Variants in STS observed in about 807,000 individuals in gnomAD.
STS encodes the protein steryl-sulfatase.
In STS, 7 loss-of-function variants were observed where a neutral mutation model predicts 26.8. The observed-to-expected ratio is 0.26, with a 90% CI of 0.15 to 0.49. The LOEUF (loss-of-function observed/expected upper bound fraction) is 0.49, where lower values mean the gene tolerates loss of function less well. Ranked by LOEUF, STS falls within the 20% of genes least tolerant of loss-of-function variation. STS has a pLI of 0.98. For synonymous variants in STS, 199 were observed against 189.4 expected, an observed-to-expected ratio of 1.05 and a Z score of -0.42; for missense variants, 434 against 465.6, an observed-to-expected ratio of 0.93 and a Z score of 0.63.
intron 1 of STS, among the ~76,000 whole-genome samples, chrX:7,185,328 C>T (rs1369000069): frequency 8.9e-6 from 1 of 112,788 alleles, no homozygotes; most frequent in South Asian, 3.6e-4. Context: ...TAAATATTTT[C>T]AGCCTTGTGG....
intron 3 of STS, 24 bp downstream of exon 3, chrX:7,253,360 A>G (rs752359199): frequency 8.3e-7 from 1 of 1,210,659 alleles, no homozygotes; most frequent in Non-Finnish European, 1.1e-6. Context: ...CTCCTCAGTA[A>G]ACACATGGCT....
intron 8 of STS, among the ~76,000 whole-genome samples, chrX:7,312,723 G>A (rs189954614): frequency 2.7e-5 from 3 of 111,357 alleles, no homozygotes; most frequent in East Asian, 5.7e-4. Context: ...CTCACCTCCC[G>A]CCATGATTTT....
At chrX:7,185,793 A>G (rs2039681734) in intron 1 of STS, among the ~76,000 whole-genome samples, 1 of 112,619 alleles carries the variant, frequency 8.9e-6, no homozygotes, top group Non-Finnish European at 1.9e-5. Flanking sequence ...AATGTTTCTC[A>G]GGAAATTCCT....
rs768528679 is a variant in STS at position 7,352,753 on chromosome X, A to C, written c.*2492A>C. 4.5e-5 allele frequency: 5 copies of C among 111,091 alleles called. No individual in the cohort carries two copies. Among genetic ancestry groups the C allele is most frequent in the Non-Finnish European group, 7.5e-5 (4 of 53,137 alleles). 9.2% of individuals were successfully genotyped at this position (111,091 alleles called of 1,213,427 possible). A position where few individuals can be genotyped will look rare whatever the true frequency, so the allele number is the denominator to read the frequency against. ...AAAAAATTCTTGTATTTCTAGCATT[A>C]CTAGATATTAAAAGTTAAGCAAATA... is the stretch of plus-strand genomic sequence containing the variant. On this transcript the variant is annotated 3_prime_UTR_variant, in exon 11 of 11. Transcript: ENST00000674429.
At chrX:7,326,183 T>G (rs1159655369) in intron 9 of STS, among the ~76,000 whole-genome samples, 1 of 110,616 alleles carries the variant, frequency 9.0e-6, no homozygotes, top group East Asian at 2.9e-4. Context: ...GCCCTCGGTT[T>G]GGAGTGTCAC....
At chrX:7,212,128 G>A (rs1255289217) in intron 2 of STS, among the ~76,000 whole-genome samples, 17 of 111,775 alleles carry the variant, frequency 1.5e-4, no homozygotes, top group African/African-American at 5.5e-4. Flanking sequence ...TATGGCTAAT[G>A]GAAGATGTGA....
intron 1 of STS, among the ~76,000 whole-genome samples, chrX:7,148,480 CA>C (rs1456955310): frequency 3.5e-5 from 4 of 112,704 alleles, no homozygotes; most frequent in Non-Finnish European, 7.5e-5. Context: ...GAGTTTGGAT[CA>C]GGGGTGTGAA....
chrX:7,215,019 TATA>T (rs1163459275), intron 2 of STS, among the ~76,000 whole-genome samples: 1 of 73,083 alleles, frequency 1.4e-5, no homozygotes, highest in Non-Finnish European at 2.7e-5. Context: ...CGTATATATA[TATA>T]TTATATATGT....
At chrX:7,247,911 C>A (rs1298370083) in intron 2 of STS, among the ~76,000 whole-genome samples, 1 of 111,884 alleles carries the variant, frequency 8.9e-6, no homozygotes, top group Non-Finnish European at 1.9e-5. Flanking sequence ...AACCCATTAT[C>A]CTGGCTAATT....
rs186143389 is a variant in STS at position 7,225,158 on chromosome X, T to C, written c.-4-28038T>C. On this transcript the variant is annotated intron_variant, in intron 2 of 10. Transcript: ENST00000674429. ...TGTGACTCCCAGCTATGAATCAACCTTTATATAAATGCATTTTGGCTCACT... is the reference window on the plus strand; with the variant it reads ...TGTGACTCCCAGCTATGAATCAACCCTTATATAAATGCATTTTGGCTCACT... Among the ~76,000 whole-genome samples, 674 of 111,915 alleles carry C rather than the reference T, an allele frequency of 6.0e-3. 4 individuals carry two copies. The highest frequency in any genetic ancestry group is 0.012 in the South Asian group (31 of 2,679).
At chrX:7,249,886 C>T (rs1811414674) in intron 2 of STS, among the ~76,000 whole-genome samples, 1 of 111,136 alleles carries the variant, frequency 9.0e-6, no homozygotes, top group Admixed American at 9.6e-5. Flanking sequence ...GCTTTATATT[C>T]ATGCCACGTT....
In STS at chrX:7,250,403, T is replaced by TAAAA. The variant is rs1468138264; in HGVS notation, c.-4-2784_-4-2781dup. Among the ~76,000 whole-genome samples the TAAAA allele has an allele frequency of 4.1e-3, 419 of 102,384 alleles. 7 individuals carry two copies. The highest frequency in any genetic ancestry group is 0.014 in the African/African-American group (396 of 28,050). The allele number at this position is 102,384 out of a possible 115,157, so 88.9% of individuals were successfully genotyped here. On this transcript the variant is annotated intron_variant, in intron 2 of 10. Transcript: ENST00000674429. Reference sequence around the variant, plus strand: ...AAGACCATAGTCTTAAACCATGCTTTAAAAAAAAAAAAGAAAGAAAGAAAG... The same window carrying TAAAA: ...AAGACCATAGTCTTAAACCATGCTTTAAAAAAAAAAAAAAAAGAAAGAAAGAAAG...
At chrX:7,237,662 G>C (rs1922386107) in intron 2 of STS, among the ~76,000 whole-genome samples, 1 of 111,853 alleles carries the variant, frequency 8.9e-6, no homozygotes, top group African/African-American at 3.3e-5. Flanking sequence ...GGTGTTTGTG[G>C]AAGAGATTAG....
intron 2 of STS, among the ~76,000 whole-genome samples, chrX:7,224,091 A>T (rs1921696512): frequency 9.0e-6 from 1 of 111,683 alleles, no homozygotes; most frequent in Admixed American, 9.6e-5. Flanking sequence ...ATAATGGGAC[A>T]TGGAAGCTTG....
chrX:7,153,899 C>T (rs1489973027), intron 1 of STS, among the ~76,000 whole-genome samples: 1 of 107,503 alleles, frequency 9.3e-6, no homozygotes, highest in Non-Finnish European at 1.9e-5. Context: ...CAACTCCCTC[C>T]CTCTCTGCTT....
At chrX:7,263,720 T>G (rs1464092703) in intron 6 of STS, among the ~76,000 whole-genome samples, 1 of 112,057 alleles carries the variant, frequency 8.9e-6, no homozygotes, top group Non-Finnish European at 1.9e-5. Flanking sequence ...CAGAGAAAAA[T>G]AGAGTAAAGA....
At chrX:7,347,646 C>G (rs1319247408) in intron 10 of STS, among the ~76,000 whole-genome samples, 2 of 111,295 alleles carry the variant, frequency 1.8e-5, no homozygotes, top group Non-Finnish European at 3.8e-5. Context: ...ATTCCAGGAG[C>G]CTGTATTCTC....
At chrX:7,342,674 G>T (rs1259787996) in intron 10 of STS, among the ~76,000 whole-genome samples, 1 of 112,454 alleles carries the variant, frequency 8.9e-6, no homozygotes, top group African/African-American at 3.2e-5. Flanking sequence ...TTATATATCA[G>T]CCAAGGGCTG....
At chrX:7,283,367 A>G (rs1224750595) in intron 7 of STS, among the ~76,000 whole-genome samples, 1 of 112,142 alleles carries the variant, frequency 8.9e-6, no homozygotes, top group Non-Finnish European at 1.9e-5. Flanking sequence ...ATTTCAACGG[A>G]TAATGATCAA....
Sources: gnomAD v4.1 joint callset for allele counts (sites outside exome capture counted in the v4.1 genomes callset) on GRCh38, gnomAD v4.1.1 for gene constraint, MANE v1.5 for transcripts, NCBI Gene and HGNC (gene_info 2026-07-23, HGNC 2026-07-21) for gene names.